XYLT1: variants seen among roughly 807,000 people sequenced by gnomAD.
XYLT1 encodes the protein xylosyltransferase 1.
In XYLT1, 36 loss-of-function variants were observed where a neutral mutation model predicts 91.3. The observed-to-expected ratio is 0.39, with a 90% confidence interval of 0.30 to 0.52. The LOEUF is 0.52. XYLT1 is among the 20% of genes least tolerant of loss of function. The probability of loss-of-function intolerance (pLI) is 0.68; values close to 1 mark genes in which losing one functional copy is unlikely to be tolerated. For synonymous variants in XYLT1, 588 were observed against 532.0 expected, an observed-to-expected ratio of 1.11 and a Z score of -1.45; for missense variants, 1,242 against 1,284.5, an observed-to-expected ratio of 0.97 and a Z score of 0.51.
chr16:17,189,597 T>C (rs2032264178), intron 5 of XYLT1, among the ~76,000 whole-genome samples: 1 of 152,174 alleles, frequency 6.6e-6, no homozygotes. Context: ...GATAAACAGA[T>C]TGTGGTACAA....
At chr16:17,346,839 C>T (rs900302430) in intron 2 of XYLT1, among the ~76,000 whole-genome samples, 7 of 152,168 alleles carry the variant, frequency 4.6e-5, no homozygotes, top group African/African-American at 1.7e-4. Context: ...TTTCTGTCCT[C>T]GACCCCACCC....
chr16:17,226,121 A>G (rs939632340), intron 3 of XYLT1, among the ~76,000 whole-genome samples: 2 of 152,274 alleles, frequency 1.3e-5, no homozygotes, highest in Admixed American at 1.3e-4. Flanking sequence ...TGGTTAAATG[A>G]TGAAGTCCCA....
At chr16:17,418,643 T>C (rs1471845821) in intron 1 of XYLT1, among the ~76,000 whole-genome samples, 4 of 151,596 alleles carry the variant, frequency 2.6e-5, no homozygotes, top group African/African-American at 9.7e-5. Flanking sequence ...AGCCTAGGAG[T>C]TTGAGACCAG....
intron 2 of XYLT1, among the ~76,000 whole-genome samples, chr16:17,329,569 C>G (rs953060096): frequency 6.6e-6 from 1 of 152,146 alleles, no homozygotes; most frequent in Non-Finnish European, 1.5e-5. Flanking sequence ...CTCTCATATT[C>G]CACAAGGCTG....
intron 1 of XYLT1, among the ~76,000 whole-genome samples, chr16:17,456,714 A>G (rs373532987): frequency 6.6e-6 from 1 of 152,148 alleles, no homozygotes; most frequent in Non-Finnish European, 1.5e-5. Flanking sequence ...TGTGCGGCAC[A>G]TGCATGGCAT....
At chr16:17,348,285 T>A (rs73523073) in intron 2 of XYLT1, among the ~76,000 whole-genome samples, 3,511 of 152,120 alleles carry the variant, frequency 0.023, 127 homozygotes, top group African/African-American at 0.081. Context: ...CCTCCCACTA[T>A]CCCTGAGCAG....
At chr16:17,195,478 G>A (rs2032407909) in intron 5 of XYLT1, among the ~76,000 whole-genome samples, 1 of 151,548 alleles carries the variant, frequency 6.6e-6, no homozygotes, top group African/African-American at 2.4e-5. Flanking sequence ...ATAGAGTCTT[G>A]CTGTGTCGCC....
At chr16:17,407,516 C>T (rs1026318625) in intron 1 of XYLT1, among the ~76,000 whole-genome samples, 10 of 152,126 alleles carry the variant, frequency 6.6e-5, no homozygotes, top group African/African-American at 1.9e-4. Flanking sequence ...TATGGACATG[C>T]GTTCCTGGGC....
chr16:17,205,750 G>A (rs75564392), intron 3 of XYLT1, among the ~76,000 whole-genome samples: 183 of 152,200 alleles, frequency 1.2e-3, no homozygotes, highest in African/African-American at 4.0e-3. Flanking sequence ...ATCTACAACC[G>A]GAATTTCCCT....
In XYLT1 at chr16:17,196,474, G is replaced by T. The variant is rs189531724; in HGVS notation, c.1289+1738C>A. ...ATTTCTTTCAAAATAACCCACTGTT[G>T]GGGGAAGAGGATGAAAGTCCAGATA... is the stretch of plus-strand genomic sequence containing the variant. On this transcript the variant is annotated intron_variant, in intron 5 of 11. Transcript: ENST00000261381. Among the ~76,000 whole-genome samples, 201 of 152,260 alleles carry T rather than the reference G, an allele frequency of 1.3e-3. 2 individuals carry two copies. The highest frequency in any genetic ancestry group is 3.4e-3 in the African/African-American group (143 of 41,540).
In XYLT1 at chr16:17,242,326, A is replaced by T. The variant is rs1175032127; in HGVS notation, c.913+16662T>A. Among the ~76,000 whole-genome samples the T allele has an allele frequency of 3.3e-5, 5 of 152,206 alleles. No homozygotes were observed. In the East Asian group the frequency reaches 9.6e-4, roughly 29 times the overall value. ...ATTGAGTTGAGTAGTTAGGACAGAG[A>T]CCTTCTACTCTGCAAAACCTGAACT... On this transcript the variant is annotated intron_variant, in intron 3 of 11. Transcript: ENST00000261381.
chr16:17,308,996 TAA>T (rs796464150), intron 2 of XYLT1, among the ~76,000 whole-genome samples: 1 of 140,772 alleles, frequency 7.1e-6, no homozygotes. Context: ...AAAATAAAAA[TAA>T]AAAAAAAAGG....
rs1284189788 is a variant in XYLT1 at position 17,141,228 on chromosome 16, T to G, written c.1512A>C (p.Glu504Asp). 2 of 1,614,110 alleles carry G rather than the reference T, an allele frequency of 1.2e-6. No homozygotes were observed. The highest frequency in any genetic ancestry group is 1.7e-6 in the Non-Finnish European group (2 of 1,180,052). The change falls in exon 7 of 12, where the codon GAA (glutamate) becomes GAC (aspartate). Residue 504 changes from glutamate (E) to aspartate (D), a missense_variant. Glu to Asp is a conservative substitution (Grantham distance 45). Coordinates refer to ENST00000261381, the MANE Select transcript of XYLT1 (RefSeq NM_022166.4). ...DWFLLNRRFV[E>D]YVTFSTDDLV... ...GATCGTCTGTGGAGAAGGTCACATATTCTACAAACCTCCGGTTCAGCAGGA... is the reference window on the plus strand; with the variant it reads ...GATCGTCTGTGGAGAAGGTCACATAGTCTACAAACCTCCGGTTCAGCAGGA...
At chr16:17,272,389 C>T (rs894519805) in intron 2 of XYLT1, among the ~76,000 whole-genome samples, 2 of 151,954 alleles carry the variant, frequency 1.3e-5, no homozygotes, top group African/African-American at 4.8e-5. Context: ...GTCTCGAACT[C>T]CTGACCTCAA....
intron 5 of XYLT1, among the ~76,000 whole-genome samples, chr16:17,182,538 C>T (rs775729283): frequency 3.9e-5 from 6 of 152,072 alleles, no homozygotes; most frequent in African/African-American, 1.2e-4. Flanking sequence ...TAGTGGGGCA[C>T]GGTTCAATCT....
chr16:17,319,934 G>A (rs541904163), intron 2 of XYLT1, among the ~76,000 whole-genome samples: 111 of 152,146 alleles, frequency 7.3e-4, no homozygotes, highest in African/African-American at 2.5e-3. Flanking sequence ...TGGAATTCCT[G>A]GAGTCTTCAA....
intron 11 of XYLT1, among the ~76,000 whole-genome samples, chr16:17,110,709 C>T (rs184080842): frequency 2.2e-3 from 340 of 152,266 alleles, no homozygotes; most frequent in Non-Finnish European, 3.6e-3. Flanking sequence ...TTTATCATTC[C>T]TACTTTACAG....
At chr16:17,173,435 TAA>T (rs892316541) in intron 5 of XYLT1, among the ~76,000 whole-genome samples, 2 of 152,236 alleles carry the variant, frequency 1.3e-5, no homozygotes, top group African/African-American at 4.8e-5. Flanking sequence ...CTCTATGCAT[TAA>T]GAGCATACTA....
intron 3 of XYLT1, among the ~76,000 whole-genome samples, chr16:17,231,081 G>T (rs571764526): frequency 2.6e-5 from 4 of 152,310 alleles, no homozygotes; most frequent in African/African-American, 9.6e-5. Context: ...AGTCTTGAAT[G>T]TGTTCAGAAG....
Sources: gnomAD v4.1 joint callset for allele counts (sites outside exome capture counted in the v4.1 genomes callset) on GRCh38, gnomAD v4.1.1 for gene constraint, MANE v1.5 for transcripts, NCBI Gene and HGNC (gene_info 2026-07-23, HGNC 2026-07-21) for gene names.